ESRRG: variants seen among roughly 807,000 people sequenced by gnomAD.
ESRRG encodes the protein estrogen-related receptor gamma.
Under a neutral mutation model 44.0 loss-of-function variants are expected in ESRRG, and 13 were observed. That is an observed-to-expected ratio of 0.30 (90% CI 0.19 to 0.47). The LOEUF (loss-of-function observed/expected upper bound fraction) is 0.47. ESRRG is among the 20% of genes least tolerant of loss of function. The pLI is 1.00. For missense variants in ESRRG, 395 were observed against 580.6 expected (o/e 0.68, Z 3.29); for synonymous variants, 215 against 214.6 (o/e 1.00, Z -0.02).
intron 1 of ESRRG, among the ~76,000 whole-genome samples, chr1:216,953,105 G>A (rs539387317): frequency 1.0e-3 from 154 of 152,210 alleles, no homozygotes; most frequent in Non-Finnish European, 1.6e-3. Flanking sequence ...ACAGCCAGTC[G>A]AAATGGTAGC....
chr1:217,134,863 C>T (rs2093027164), intron 1 of ESRRG, among the ~76,000 whole-genome samples: 1 of 152,266 alleles, frequency 6.6e-6, no homozygotes, highest in Non-Finnish European at 1.5e-5. Context: ...TGTGGACCGA[C>T]CGCCGCGATC....
intron 1 of ESRRG, among the ~76,000 whole-genome samples, chr1:216,999,236 C>G (rs1320544686): frequency 7.2e-5 from 11 of 152,080 alleles, no homozygotes; most frequent in Admixed American, 4.6e-4. Context: ...CACATCTTAT[C>G]ATTATTTTTA....
At chr1:216,585,734 C>T (rs2149888329) in intron 3 of ESRRG, among the ~76,000 whole-genome samples, 3 of 152,134 alleles carry the variant, frequency 2.0e-5, no homozygotes, top group Middle Eastern at 6.8e-3. Flanking sequence ...TAACTGATTC[C>T]AATAAAAAGT....
At chr1:216,729,891 G>T (rs1471023893) in intron 2 of ESRRG, among the ~76,000 whole-genome samples, 3 of 152,106 alleles carry the variant, frequency 2.0e-5, no homozygotes, top group Admixed American at 2.0e-4. Context: ...ACAAGGCTTT[G>T]CTCTTGTTAC....
intron 5 of ESRRG, among the ~76,000 whole-genome samples, chr1:216,531,658 C>T (rs569620938): frequency 7.9e-5 from 12 of 152,152 alleles, no homozygotes; most frequent in East Asian, 1.9e-4. Flanking sequence ...AAAAGGCTGC[C>T]GGTGGTATAT....
intron 1 of ESRRG, among the ~76,000 whole-genome samples, chr1:216,679,656 G>C (rs2076706369): frequency 6.7e-6 from 1 of 148,632 alleles, no homozygotes. Context: ...TTATCCAGAG[G>C]AGAGTTGCTT....
chr1:216,781,387 A>C (rs1007688018), intron 2 of ESRRG, among the ~76,000 whole-genome samples: 4 of 152,084 alleles, frequency 2.6e-5, no homozygotes, highest in Non-Finnish European at 4.4e-5. Context: ...TAAAAGTAGC[A>C]GATAATAAAT....
At chr1:216,907,379 G>A (rs17044309) in intron 2 of ESRRG, among the ~76,000 whole-genome samples, 3,086 of 152,184 alleles carry the variant, frequency 0.02, 105 homozygotes, top group African/African-American at 0.07. Flanking sequence ...ATTCCGGCTC[G>A]GCAACTGTTT....
chr1:217,016,364 T>A (rs1252703188), intron 1 of ESRRG, among the ~76,000 whole-genome samples: 1 of 152,172 alleles, frequency 6.6e-6, no homozygotes, highest in Non-Finnish European at 1.5e-5. Context: ...TGATCCGATA[T>A]GTGATCTTGG....
intron 2 of ESRRG, among the ~76,000 whole-genome samples, chr1:216,878,915 T>G (rs1471013378): frequency 6.6e-6 from 1 of 152,198 alleles, no homozygotes. Flanking sequence ...TCCTTATATT[T>G]CCCAGTACAC....
At chr1:216,683,130 C>T (rs577355863) in intron 1 of ESRRG, among the ~76,000 whole-genome samples, 1 of 152,246 alleles carries the variant, frequency 6.6e-6, no homozygotes, top group East Asian at 1.9e-4. Context: ...TCTAACATAT[C>T]ATCATTGCAT....
At chr1:216,723,503 G>A (rs1478778518), upstream of ESRRG, 2 of 553,080 alleles carry the variant, frequency 3.6e-6, no homozygotes, top group African/African-American at 1.9e-5. Flanking sequence ...TACATATGCA[G>A]TCCCACCGGC....
chr1:216,708,208 C>T (rs1453499500), intron 1 of ESRRG, among the ~76,000 whole-genome samples: 2 of 150,098 alleles, frequency 1.3e-5, no homozygotes, highest in African/African-American at 4.9e-5. Context: ...GAAAAAAAAG[C>T]CATTTAAAAA....
rs1283939355 is a variant in ESRRG at position 216,756,420 on chromosome 1, T to G, written c.-13-78929A>C. ...GAAGATTATTTTAACCAGCCAGGCA[T>G]TCCTACTCATTTTTCTCTGCATATC... On this transcript the variant is annotated intron_variant, in intron 2 of 7. Coordinates refer to the ESRRG transcript ENST00000359162. 2.0e-5 allele frequency among the ~76,000 whole-genome samples: 3 copies of G among 152,010 alleles called. No individual in the cohort carries two copies. The East Asian group carries it at 5.8e-4, about 29-fold the overall frequency.
intron 1 of ESRRG, among the ~76,000 whole-genome samples, chr1:217,014,299 A>G (rs926835973): frequency 6.6e-6 from 1 of 151,976 alleles, no homozygotes; most frequent in African/African-American, 2.4e-5. Context: ...CTAAGGCTTT[A>G]TTTCCTACTC....
At chr1:216,951,717 A>G (rs953703902) in intron 1 of ESRRG, among the ~76,000 whole-genome samples, 4 of 143,638 alleles carry the variant, frequency 2.8e-5, no homozygotes, top group African/African-American at 7.8e-5. Flanking sequence ...AACTATCACT[A>G]TGTGTGTGTG....
At chr1:216,627,624 A>G (rs1224744327) in intron 3 of ESRRG, among the ~76,000 whole-genome samples, 1 of 152,232 alleles carries the variant, frequency 6.6e-6, no homozygotes, top group East Asian at 1.9e-4. Context: ...CCAGAATTCC[A>G]CGAGCATGCT....
chr1:216,715,241 C>T, intron 1 of ESRRG: 3 of 985,330 alleles, frequency 3.0e-6, no homozygotes, highest in Non-Finnish European at 3.6e-6. Flanking sequence ...AGGCAGGTCT[C>T]ATTCAAGTCT....
chr1:217,047,658 T>C (rs1357829165), intron 1 of ESRRG, among the ~76,000 whole-genome samples: 1 of 152,124 alleles, frequency 6.6e-6, no homozygotes, highest in Non-Finnish European at 1.5e-5. Flanking sequence ...AGCTAGGCCA[T>C]GATGATCATT....
Sources: allele counts gnomAD v4.1 joint callset (sites outside exome capture counted in the v4.1 genomes callset), GRCh38; gene constraint gnomAD v4.1.1; transcripts MANE v1.5; gene names NCBI Gene and HGNC (gene_info 2026-07-23, HGNC 2026-07-21).